The following FGF13 variants were observed in gnomAD, a reference collection of about 807,000 sequenced individuals.
The protein encoded by FGF13 is fibroblast growth factor 13, also known as fibroblast growth factor homologous factor 2.
In FGF13, 2 loss-of-function variants were observed where a neutral mutation model predicts 19.5. That is an observed-to-expected ratio of 0.10 (90% CI 0.04 to 0.32). The LOEUF (loss-of-function observed/expected upper bound fraction) is 0.32, where lower values mean the gene tolerates loss of function less well. FGF13 is among the 10% of genes least tolerant of loss of function. The pLI is 1.00. For missense variants in FGF13, 113 were observed against 192.7 expected (o/e 0.59, Z 2.45); for synonymous variants, 72 against 76.9 (o/e 0.94, Z 0.33).
At position 138,664,553 on chromosome X, in the gene FGF13, A is replaced by ATG. The variant is rs201045124; in HGVS notation, c.403-28900_403-28899dup. Among the ~76,000 whole-genome samples the ATG allele has an allele frequency of 6.6e-4, 65 of 98,560 alleles. No individual in the cohort carries two copies. In the East Asian group the frequency reaches 0.018, roughly 27 times the overall value. 85.6% of individuals were successfully genotyped at this position (98,560 alleles called of 115,157 possible). On this transcript the variant is annotated intron_variant, in intron 3 of 4. Coordinates refer to ENST00000315930, the MANE Select transcript of FGF13 (RefSeq NM_004114.5). The stretch of plus-strand genomic sequence containing the variant: ...CATTGATCTTCAAACACTAGTTTGC[A>ATG]TGTGTGAGAGAGAGAGAGAGAGAGA...
intron 3 of FGF13, among the ~76,000 whole-genome samples, chrX:138,767,837 TG>T (rs2090513295): frequency 8.9e-6 from 1 of 112,206 alleles, no homozygotes. Flanking sequence ...AACAATTCCA[TG>T]GGGGAATTTG....
intron 1 of FGF13, among the ~76,000 whole-genome samples, chrX:139,053,861 T>C (rs1049364946): frequency 9.0e-6 from 1 of 111,651 alleles, no homozygotes; most frequent in African/African-American, 3.3e-5. Context: ...TTTCCAATGC[T>C]ATCTTCTAGA....
chrX:138,881,336 G>A (rs114847742), intron 1 of FGF13, among the ~76,000 whole-genome samples: 6,610 of 111,079 alleles, frequency 0.06, 466 homozygotes, highest in African/African-American at 0.2. Flanking sequence ...GATTCCTTGG[G>A]ATTTTCTGTA....
intron 3 of FGF13, among the ~76,000 whole-genome samples, chrX:138,659,462 T>A (rs2089468654): frequency 8.9e-6 from 1 of 111,790 alleles, no homozygotes; most frequent in Admixed American, 9.5e-5. Flanking sequence ...TGTTGGTGGG[T>A]GTGTAAATTA....
At chrX:139,109,331 T>C (rs1399242157) in intron 1 of FGF13, among the ~76,000 whole-genome samples, 1 of 111,477 alleles carries the variant, frequency 9.0e-6, no homozygotes, top group African/African-American at 3.3e-5. Flanking sequence ...CTCTCAGATG[T>C]CAACACATGT....
chrX:138,758,246 C>A (rs1223290662), intron 3 of FGF13, among the ~76,000 whole-genome samples: 1 of 111,397 alleles, frequency 9.0e-6, no homozygotes, highest in Admixed American at 9.5e-5. Flanking sequence ...GGAATGTACT[C>A]TGGGGAAGAG....
At position 138,617,742 on chromosome X, in the gene FGF13, C is replaced by T; in HGVS notation, c.*15108G>A. On this transcript the variant is annotated 3_prime_UTR_variant, in exon 5 of 5. Coordinates refer to ENST00000315930, the MANE Select transcript of FGF13 (RefSeq NM_004114.5). ...ACCACATGATGCCAGGAGTTCAAGA[C>T]CCACCTGGGCAACATAGTGAGACCC... 9.0e-6 allele frequency: 1 copy of T among 111,112 alleles called. No individual in the cohort carries two copies. Among genetic ancestry groups the T allele is most frequent in the African/African-American group, 3.3e-5 (1 of 30,538 alleles). 9.2% of individuals were successfully genotyped at this position (111,112 alleles called of 1,213,427 possible).
chrX:138,665,400 G>C (rs920073606), intron 3 of FGF13, among the ~76,000 whole-genome samples: 6 of 111,456 alleles, frequency 5.4e-5, no homozygotes, highest in Non-Finnish European at 1.1e-4. Context: ...TACTGCAAGT[G>C]TTCCTGACTG....
At chrX:138,732,158 C>A (rs752857526) in intron 1 of FGF13, among the ~76,000 whole-genome samples, 3 of 111,524 alleles carry the variant, frequency 2.7e-5, no homozygotes, top group Non-Finnish European at 3.8e-5. Context: ...AATGGTACAG[C>A]CATTTGGGAA....
intron 1 of FGF13, among the ~76,000 whole-genome samples, chrX:139,192,548 A>G (rs2084340023): frequency 8.9e-6 from 1 of 112,437 alleles, no homozygotes; most frequent in South Asian, 3.7e-4. Flanking sequence ...CTTGAGAAAC[A>G]CTGCCCAGAG....
chrX:139,175,780 T>G (rs771073749), intron 1 of FGF13, among the ~76,000 whole-genome samples: 1 of 112,283 alleles, frequency 8.9e-6, no homozygotes, highest in East Asian at 2.8e-4. Context: ...AGTTTTTTGA[T>G]GTGCTGCTAG....
At chrX:138,885,875 T>C (rs2091449296) in intron 1 of FGF13, among the ~76,000 whole-genome samples, 1 of 111,085 alleles carries the variant, frequency 9.0e-6, no homozygotes. Context: ...TAATTTTAAT[T>C]TCTTCTACCC....
At chrX:138,980,194 A>G (rs894050222) in intron 1 of FGF13, among the ~76,000 whole-genome samples, 2 of 111,392 alleles carry the variant, frequency 1.8e-5, no homozygotes, top group Non-Finnish European at 3.8e-5. Flanking sequence ...ATTGAGGATC[A>G]CCAAAATAGA....
At position 138,628,672 on chromosome X, in the gene FGF13, G is replaced by GTCT. The variant is rs752667878; in HGVS notation, c.*4177_*4178insAGA. 7 of 112,420 alleles carry GTCT rather than the reference G, an allele frequency of 6.2e-5. No individual in the cohort carries two copies. The highest frequency in any genetic ancestry group is 1.1e-4 in the Non-Finnish European group (6 of 53,320). 9.3% of individuals were successfully genotyped at this position (112,420 alleles called of 1,213,427 possible). ...GTTATGGTCAGCTGATGTAGATGAA[G>GTCT]AGATATTCATTTTCCCTCATATGTT... On this transcript the variant is annotated 3_prime_UTR_variant, in exon 5 of 5. Transcript: ENST00000315930.
chrX:138,794,232 C>A (rs992493786), intron 3 of FGF13, among the ~76,000 whole-genome samples: 1 of 111,697 alleles, frequency 9.0e-6, no homozygotes, highest in Non-Finnish European at 1.9e-5. Flanking sequence ...ATGCGATTGT[C>A]CCCAGCCAGT....
At chrX:139,053,415 GT>G (rs199847219) in intron 1 of FGF13, among the ~76,000 whole-genome samples, 16,111 of 94,106 alleles carry the variant, frequency 0.17, 1,273 homozygotes, top group African/African-American at 0.3. Context: ...AGCATCTACT[GT>G]TTTTTTTTTT....
upstream of FGF13, among the ~76,000 whole-genome samples, chrX:138,713,580 G>A (rs2090074379): frequency 9.0e-6 from 1 of 111,698 alleles, no homozygotes; most frequent in Admixed American, 9.4e-5. Context: ...GAAGGATGAA[G>A]TTCTGATTCA....
intron 1 of FGF13, among the ~76,000 whole-genome samples, chrX:139,113,552 A>G (rs1328560220): frequency 8.9e-6 from 1 of 112,648 alleles, no homozygotes; most frequent in Non-Finnish European, 1.9e-5. Flanking sequence ...ATAATCATTC[A>G]ATATTCAATC....
At chrX:138,891,798 G>A (rs1483624169) in intron 1 of FGF13, among the ~76,000 whole-genome samples, 10 of 110,354 alleles carry the variant, frequency 9.1e-5, no homozygotes, top group Admixed American at 7.8e-4. Context: ...AGAAAAACAT[G>A]AAAAGGAGAG....
Sources: gnomAD v4.1 joint callset for allele counts (sites outside exome capture counted in the v4.1 genomes callset) on GRCh38, gnomAD v4.1.1 for gene constraint, MANE v1.5 for transcripts, NCBI Gene and HGNC (gene_info 2026-07-23, HGNC 2026-07-21) for gene names.